The following TYK2 variants were observed in gnomAD, a reference collection of about 807,000 sequenced individuals.
TYK2 encodes tyrosine kinase 2.
A neutral mutation model predicts 130.9 loss-of-function variants in TYK2; 65 were observed. The observed-to-expected ratio is 0.50, with a 90% CI of 0.41 to 0.61. The LOEUF is 0.61. TYK2 is among the 20% of genes least tolerant of loss of function. The probability of loss-of-function intolerance (pLI) is 0.00; values close to 1 mark genes in which losing one functional copy is unlikely to be tolerated. For synonymous variants in TYK2, 647 were observed against 658.9 expected (o/e 0.98, Z 0.28); for missense variants, 1,378 against 1,610.7 (o/e 0.86, Z 2.47).
chr19:10,370,001 G>A (rs1382210882), intron 3 of TYK2: 80 of 317,306 alleles, frequency 2.5e-4, no homozygotes, highest in South Asian at 4.8e-5. Flanking sequence ...CCGAGATTGC[G>A]CCACTGCACT....
In TYK2 at chr19:10,364,470, TG is replaced by T; in HGVS notation, c.1367+143del. The T allele has an allele frequency of 1.1e-6, 1 of 911,978 alleles. No individual in the cohort carries two copies. Among genetic ancestry groups the T allele is most frequent in the Non-Finnish European group, 1.7e-6 (1 of 598,888 alleles). The allele number at this position is 911,978 out of a possible 1,614,324, so 56.5% of individuals were successfully genotyped here. A position where few individuals can be genotyped will look rare whatever the true frequency, so the allele number is the denominator to read the frequency against. On this transcript the variant is annotated intron_variant, in intron 9 of 24. Coordinates refer to ENST00000525621, the MANE Select transcript of TYK2 (RefSeq NM_003331.5). This position sits in a 1 kb window ranked among gnomAD's most constrained non-coding sequence, Gnocchi z 4.9. ...CGGAGGCTGCAGTGAGCTGAGATCATGCCACTGCACTCCAGTTTGGGCGACA... is the reference window on the plus strand; with the variant it reads ...CGGAGGCTGCAGTGAGCTGAGATCATCCACTGCACTCCAGTTTGGGCGACA...
chr19:10,359,706 G>A (rs916111561), intron 14 of TYK2, among the ~76,000 whole-genome samples: 9 of 151,844 alleles, frequency 5.9e-5, no homozygotes, highest in East Asian at 1.9e-4. Flanking sequence ...ACAGCCGGGC[G>A]CGGTGGCTCA....
chr19:10,374,928 C>T (rs1421043469), intron 3 of TYK2, among the ~76,000 whole-genome samples: 1 of 151,694 alleles, frequency 6.6e-6, no homozygotes, highest in South Asian at 2.1e-4. Context: ...ATGGCTCATG[C>T]CTCCCAACAC....
In TYK2 at chr19:10,365,520, C is replaced by T. The variant is rs1011404370; in HGVS notation, c.1008G>A (p.Glu336=). 5 of 1,613,788 alleles carry T rather than the reference C, an allele frequency of 3.1e-6. No homozygotes were observed. In the African/African-American group the frequency reaches 5.3e-5, roughly 17 times the overall value. The change falls in exon 7 of 25, where the codon GAG becomes GAA. Residue 336 remains glutamate, a synonymous_variant. Transcript: ENST00000525621. ...GCGGAAGGGGCGCCTTGCTCACCTC[C>T]TCCTTGTTCACCTCCTCCTCTACTG... ...WWPVEEEVNK[E]EGSSGSSGRN...
chr19:10,365,902 G>T lies in TYK2; in HGVS notation c.630-4C>A. 1 of 1,604,180 alleles carries T rather than the reference G, an allele frequency of 6.2e-7. No individual in the cohort carries two copies. Among genetic ancestry groups the T allele is most frequent in the South Asian group, 1.1e-5 (1 of 89,826 alleles). Reference sequence around the variant, plus strand: ...GCGCGGGATGCAGTCCTTGAAGCTGGGGGGAAACACAGTGAGGGGCTGGTC... The same window carrying T: ...GCGCGGGATGCAGTCCTTGAAGCTGTGGGGAAACACAGTGAGGGGCTGGTC... On this transcript the variant is annotated splice_region_variant and splice_polypyrimidine_tract_variant and intron_variant, in intron 6 of 24. Transcript: ENST00000525621.
chr19:10,368,140 G>A lies in TYK2; in HGVS notation c.380C>T (p.Pro127Leu), dbSNP rs1308616286. The part of the protein sequence containing the change: ...PREPAVYRCG[P>L]PGTEASSDQT... Reference sequence around the variant, plus strand: ...ATCTGAGGATGCCTCGGTTCCTGGGGGCCCACAACGGTACACAGCCGGTTC... The same window carrying A: ...ATCTGAGGATGCCTCGGTTCCTGGGAGCCCACAACGGTACACAGCCGGTTC... Residue 127 changes from proline to leucine, a missense_variant, in exon 5 of 25, where the codon CCC (proline) becomes CTC (leucine). By Grantham distance (98) the Pro-to-Leu change is moderately conservative (BLOSUM62 -3). Transcript: ENST00000525621. 1 of 1,614,048 alleles carries A rather than the reference G, an allele frequency of 6.2e-7. No homozygotes were observed. The highest frequency in any genetic ancestry group is 1.7e-5 in the Admixed American group (1 of 59,978).
rs780917072 is a variant in TYK2, at chr19:10,362,277, C to G, written c.1656G>C (p.Leu552=). ...DDCFSLRRCC[L]PQPGETSNLI... is the part of the protein sequence containing the mutation. ...CTATCATCGTACCTCCTGGTTGGGG[C>G]AGGCAACAGCGACGCAGAGAGAAGC... The change falls in exon 11 of 25, where the codon CTG becomes CTC. Residue 552 remains leucine, a synonymous_variant. Transcript: ENST00000525621. 6.2e-7 allele frequency: 1 copy of G among 1,614,008 alleles called. No individual in the cohort carries two copies. The highest frequency in any genetic ancestry group is 8.5e-7 in the Non-Finnish European group (1 of 1,180,006).
At position 10,357,913 on chromosome 19, in the gene TYK2, C is replaced by A. The variant is rs1226025531; in HGVS notation, c.2317G>T (p.Val773Leu). Residue 773 changes from valine (V) to leucine (L), a missense_variant, in exon 17 of 25, where the codon GTG becomes TTG. Transcript: ENST00000525621. ...GLGALSREERVERIPWLAPEC... is the reference protein window; with the variant it reads ...GLGALSREERLERIPWLAPEC... ...GGGGCCAGCCAGGGGATCCTCTCCA[C>A]CCGCTCTGGGAGGCCAAGGTCAGAG... The A allele has an allele frequency of 6.2e-7, 1 of 1,613,546 alleles. No homozygotes were observed. The highest frequency in any genetic ancestry group is 8.5e-7 in the Non-Finnish European group (1 of 1,180,032).
intron 3 of TYK2, among the ~76,000 whole-genome samples, chr19:10,374,681 A>G (rs2042050294): frequency 1.3e-5 from 2 of 150,476 alleles, no homozygotes; most frequent in African/African-American, 4.9e-5. Flanking sequence ...ATGCATGTTC[A>G]AGACCAGCCT....
intron 3 of TYK2, chr19:10,369,769 C>T (rs1357316077): frequency 6.6e-6 from 3 of 453,012 alleles, no homozygotes; most frequent in Admixed American, 2.4e-5. Context: ...GTCGGCCGGG[C>T]GCAGTGGCTC....
At chr19:10,378,524 G>A (rs747155508) in intron 2 of TYK2, 98 bp from the exon 3 acceptor site, 7 of 950,748 alleles carry the variant, frequency 7.4e-6, no homozygotes, top group Non-Finnish European at 1.1e-5. Flanking sequence ...CTGAGGGGAA[G>A]ATTCTGGGCT....
At position 10,350,768 on chromosome 19, in the gene TYK2, G is replaced by A. The variant is rs2145123613; in HGVS notation, c.*66C>T. On this transcript the variant is annotated 3_prime_UTR_variant, in exon 25 of 25. Coordinates refer to ENST00000525621, the MANE Select transcript of TYK2 (RefSeq NM_003331.5). Reference sequence around the variant, plus strand: ...CCTCTTGGTTTCATCCTGGAGCAGGGAGCAGGAGGCTCCCTCTGCAGCCAC... The same window carrying A: ...CCTCTTGGTTTCATCCTGGAGCAGGAAGCAGGAGGCTCCCTCTGCAGCCAC... 1.3e-6 allele frequency: 2 copies of A among 1,596,738 alleles called. No homozygotes were observed. Among genetic ancestry groups the A allele is most frequent in the Non-Finnish European group, 1.7e-6 (2 of 1,170,306 alleles).
At position 10,368,070 on chromosome 19, in the gene TYK2, C is replaced by T. The variant is rs772150156; in HGVS notation, c.450G>A (p.Glu150=). Residue 150 remains glutamate (E), a synonymous_variant, in exon 5 of 25, where the codon GAG becomes GAA. Transcript: ENST00000525621. ...CTGCTCATACCTGCTCAAAGAGGTA[C>T]TCAAATGAGGCTGGGTCCAGGAGTT... ...GMQLLDPASF[E]YLFEQGKHEF... 1.7e-5 allele frequency: 28 copies of T among 1,614,162 alleles called. No individual in the cohort carries two copies. The highest frequency in any genetic ancestry group is 2.1e-5 in the Non-Finnish European group (25 of 1,180,020).
Position 10,350,727 on chromosome 19 carries a change from G to T in TYK2, c.*107C>A. 7.3e-7 allele frequency: 1 copy of T among 1,375,536 alleles called. No homozygotes were observed. The highest frequency in any genetic ancestry group is 1.9e-5 in the Admixed American group (1 of 52,466). 85.2% of individuals were successfully genotyped at this position (1,375,536 alleles called of 1,614,324 possible). A position where few individuals can be genotyped will look rare whatever the true frequency, so the allele number is the denominator to read the frequency against. Reference sequence around the variant, plus strand: ...GACAGGAGTAAGGCACACGGTGTGGGTGAGGCTGACATCCCCCTCTTGGTT... The same window carrying T: ...GACAGGAGTAAGGCACACGGTGTGGTTGAGGCTGACATCCCCCTCTTGGTT... On this transcript the variant is annotated 3_prime_UTR_variant, in exon 25 of 25. Coordinates refer to ENST00000525621, the MANE Select transcript of TYK2 (RefSeq NM_003331.5).
At chr19:10,372,458 C>CTATATATATATATATATATATA (rs569826524) in intron 3 of TYK2, among the ~76,000 whole-genome samples, 21 of 45,970 alleles carry the variant, frequency 4.6e-4, no homozygotes, top group South Asian at 7.4e-4. Flanking sequence ...CCACACACAG[C>CTATATATATATATATATATATA]TATATATATA....
intron 3 of TYK2, among the ~76,000 whole-genome samples, chr19:10,372,001 T>TC (rs201473866): frequency 0.057 from 8,666 of 152,104 alleles, 302 homozygotes; most frequent in Non-Finnish European, 0.08. Flanking sequence ...GTTTTTGTTT[T>TC]TTTTTTTGAG....
At chr19:10,378,806 C>A (rs1408271927) in intron 2 of TYK2, among the ~76,000 whole-genome samples, 1 of 151,616 alleles carries the variant, frequency 6.6e-6, no homozygotes, top group Non-Finnish European at 1.5e-5. Context: ...TATAGCAAGA[C>A]CCTGTTTCTA....
In TYK2 at chr19:10,365,620, G is replaced by A. The variant is rs758787673; in HGVS notation, c.908C>T (p.Pro303Leu). ...IRDSGVAPTD[P>L]GPESAAGPPT... ...GGGCCCAGCAGCAGACTCAGGGCCA[G>A]GGTCTGTAGGGGCCACCCCACTGTC... is the stretch of plus-strand genomic sequence containing the variant. Residue 303 changes from proline (P) to leucine (L), a missense_variant, in exon 7 of 25, where the codon CCT becomes CTT. By Grantham distance (98) the Pro-to-Leu change is moderately conservative. Coordinates refer to ENST00000525621, the MANE Select transcript of TYK2 (RefSeq NM_003331.5). 3.1e-6 allele frequency: 5 copies of A among 1,614,002 alleles called. No homozygotes were observed. Among genetic ancestry groups the A allele is most frequent in the Non-Finnish European group, 4.2e-6 (5 of 1,179,956 alleles).
chr19:10,367,325 C>T (rs1349313607), intron 5 of TYK2, among the ~76,000 whole-genome samples: 2 of 151,836 alleles, frequency 1.3e-5, no homozygotes, highest in African/African-American at 2.4e-5. Flanking sequence ...GCACTCTATC[C>T]CCTTCAACCT....
Sources: allele counts gnomAD v4.1 joint callset (sites outside exome capture counted in the v4.1 genomes callset), GRCh38; gene constraint gnomAD v4.1.1; non-coding constraint Gnocchi (gnomAD v3.1); transcripts MANE v1.5; gene names NCBI Gene and HGNC (gene_info 2026-07-23, HGNC 2026-07-21).